The following RSPH10B2 variants were observed in gnomAD, a reference collection of about 807,000 sequenced individuals.
RSPH10B2 encodes the protein radial spoke head 10 homolog B2 (Chlamydomonas).
RSPH10B2 carries 9 observed loss-of-function variants against 49.0 expected under a neutral mutation model. That is an observed-to-expected ratio of 0.18 (90% CI 0.11 to 0.32). The LOEUF (loss-of-function observed/expected upper bound fraction) is 0.32. RSPH10B2 is among the 10% of genes least tolerant of loss of function. RSPH10B2 has a pLI of 1.00. For synonymous variants in RSPH10B2, 35 were observed against 210.2 expected, an observed-to-expected ratio of 0.17 and a Z score of 7.21; for missense variants, 95 against 589.9, an observed-to-expected ratio of 0.16 and a Z score of 8.69.
chr7:6,756,039 C>T (rs879722136), upstream of RSPH10B2, among the ~76,000 whole-genome samples: 31 of 150,572 alleles, frequency 2.1e-4, no homozygotes, highest in Non-Finnish European at 2.7e-4. Context: ...GAGGCCAAGG[C>T]GGGCAGATCA....
At position 6,782,636 on chromosome 7, in the gene RSPH10B2, C is replaced by G. The variant is rs1039983958; in HGVS notation, c.1758+1160C>G. Among the ~76,000 whole-genome samples, 3 of 120,216 alleles carry G rather than the reference C, an allele frequency of 2.5e-5. 1 individual carries two copies. Among genetic ancestry groups the G allele is most frequent in the African/African-American group, 9.7e-5 (3 of 30,918 alleles). 78.9% of individuals were successfully genotyped at this position (120,216 alleles called of 152,430 possible). ...CTGAAATCTTTTTAAAAAGGAAGGA[C>G]TTTGGAAGGCAGAGGGGGTGGATCA... On this transcript the variant is annotated intron_variant, in intron 13 of 18. Transcript: ENST00000297186.
chr7:6,797,595 A>C (rs1172506852), intron 18 of RSPH10B2, among the ~76,000 whole-genome samples: 2 of 152,282 alleles, frequency 1.3e-5, no homozygotes, highest in African/African-American at 4.8e-5. Flanking sequence ...GCATCATGGC[A>C]CATGCCGGTA....
intron 7 of RSPH10B2, among the ~76,000 whole-genome samples, chr7:6,770,794 A>G (rs1176601639): frequency 2.0e-5 from 3 of 152,094 alleles, no homozygotes; most frequent in African/African-American, 7.2e-5. Flanking sequence ...AGTCCCAGCT[A>G]CTCAGGAGGC....
intron 13 of RSPH10B2, among the ~76,000 whole-genome samples, chr7:6,785,069 T>A (rs1735101462): frequency 9.6e-6 from 1 of 104,550 alleles, no homozygotes; most frequent in Non-Finnish European, 1.9e-5. Context: ...CCATGTTCTA[T>A]GTCCTGTTCT....
intron 17 of RSPH10B2, among the ~76,000 whole-genome samples, chr7:6,795,979 A>C (rs1040511660): frequency 2.0e-5 from 3 of 146,372 alleles, no homozygotes; most frequent in Non-Finnish European, 4.5e-5. Context: ...TTTATTCTTG[A>C]AACATGGAAA....
intron 13 of RSPH10B2, among the ~76,000 whole-genome samples, chr7:6,785,161 G>A (rs1157570440): frequency 9.5e-6 from 1 of 105,028 alleles, no homozygotes; most frequent in Non-Finnish European, 2.0e-5. Context: ...GTGTGTGTGT[G>A]TGTGTGTGTG....
At chr7:6,782,224 A>G (rs1373265947) in intron 13 of RSPH10B2, among the ~76,000 whole-genome samples, 3 of 146,198 alleles carry the variant, frequency 2.1e-5, no homozygotes, top group Middle Eastern at 3.2e-3. Flanking sequence ...GGCCTACAAT[A>G]TCTTTATTCA....
At chr7:6,768,073 T>G (rs1225856377) in intron 6 of RSPH10B2, among the ~76,000 whole-genome samples, 1 of 123,328 alleles carries the variant, frequency 8.1e-6, no homozygotes, top group Non-Finnish European at 1.7e-5. Flanking sequence ...GTGCCTGTAG[T>G]CCTGGCTACT....
At chr7:6,791,470 G>A (rs1440397445) in intron 16 of RSPH10B2, among the ~76,000 whole-genome samples, 1 of 147,552 alleles carries the variant, frequency 6.8e-6, no homozygotes, top group Non-Finnish European at 1.5e-5. Context: ...TTGGCTGGGT[G>A]TGGTGGCTCA....
At chr7:6,756,157 C>G (rs952254049), upstream of RSPH10B2, among the ~76,000 whole-genome samples, 2 of 144,394 alleles carry the variant, frequency 1.4e-5, no homozygotes, top group East Asian at 2.1e-4. Flanking sequence ...GTAGTCCCAG[C>G]TACTCAGGAG....
chr7:6,782,103 G>T (rs111932612), intron 13 of RSPH10B2, among the ~76,000 whole-genome samples: 3,408 of 109,570 alleles, frequency 0.031, 482 homozygotes, highest in African/African-American at 0.12. Context: ...TAGTAGAGAC[G>T]GGTTTTCACC....
At chr7:6,795,796 G>T (rs1366797001) in intron 17 of RSPH10B2, among the ~76,000 whole-genome samples, 5 of 147,850 alleles carry the variant, frequency 3.4e-5, no homozygotes, top group African/African-American at 1.2e-4. Context: ...TCGTGTGGTG[G>T]TGCATGCCTG....
At chr7:6,764,308 A>T (rs1475768455) in intron 4 of RSPH10B2, among the ~76,000 whole-genome samples, 2 of 148,316 alleles carry the variant, frequency 1.3e-5, no homozygotes, top group African/African-American at 5.0e-5. Flanking sequence ...TCCAGGGCAT[A>T]TTCACTTTTT....
intron 17 of RSPH10B2, among the ~76,000 whole-genome samples, chr7:6,793,317 A>G (rs183161656): frequency 8.7e-6 from 1 of 114,596 alleles, no homozygotes. Context: ...GTCCCAAAGC[A>G]CTGGGATTAC....
At chr7:6,797,364 CTA>C (rs1377165793) in intron 18 of RSPH10B2, among the ~76,000 whole-genome samples, 3 of 150,744 alleles carry the variant, frequency 2.0e-5, no homozygotes, top group African/African-American at 7.3e-5. Flanking sequence ...GGGGTAATGA[CTA>C]TGTTGAGATG....
intron 6 of RSPH10B2, among the ~76,000 whole-genome samples, chr7:6,768,199 A>T (rs960376012): frequency 1.3e-5 from 2 of 151,144 alleles, no homozygotes; most frequent in African/African-American, 2.4e-5. Flanking sequence ...AAAAATATAT[A>T]AAAGCAAATA....
Position 6,786,492 on chromosome 7 carries a change from C to T in RSPH10B2, c.1867-386C>T, listed in dbSNP as rs1208819023. On this transcript the variant is annotated intron_variant, in intron 14 of 18. Coordinates refer to ENST00000297186, the Ensembl canonical transcript of RSPH10B2. Reference sequence around the variant, plus strand: ...TACAGGCATGAGCCACCGCGCCCAGCCTTCAGCTGATTTTTTAAAAACAAT... The same window carrying T: ...TACAGGCATGAGCCACCGCGCCCAGTCTTCAGCTGATTTTTTAAAAACAAT... Among the ~76,000 whole-genome samples, 3 of 106,564 alleles carry T rather than the reference C, an allele frequency of 2.8e-5. 1 individual carries two copies. The highest frequency in any genetic ancestry group is 1.2e-4 in the African/African-American group (3 of 25,012). The allele number at this position is 106,564 out of a possible 152,430, so 69.9% of individuals were successfully genotyped here. A position where few individuals can be genotyped will look rare whatever the true frequency, so the allele number is the denominator to read the frequency against.
chr7:6,785,530 T>C (rs1583525595), intron 13 of RSPH10B2, among the ~76,000 whole-genome samples: 1 of 152,158 alleles, frequency 6.6e-6, no homozygotes, highest in African/African-American at 2.4e-5. Context: ...GTCTTTAAGA[T>C]ATTAATTTAT....
intron 17 of RSPH10B2, among the ~76,000 whole-genome samples, chr7:6,795,467 C>G (rs966152411): frequency 1.3e-5 from 1 of 77,290 alleles, no homozygotes; most frequent in Non-Finnish European, 2.8e-5. Flanking sequence ...TAAAAGCTTT[C>G]GAATATTTTG....
Sources: gnomAD v4.1 joint callset for allele counts (sites outside exome capture counted in the v4.1 genomes callset) on GRCh38, gnomAD v4.1.1 for gene constraint, MANE v1.5 for transcripts, NCBI Gene and HGNC (gene_info 2026-07-23, HGNC 2026-07-21) for gene names.